Variants in SLC1A6 observed in about 807,000 individuals in gnomAD.
SLC1A6 encodes the protein excitatory amino acid transporter 4.
In SLC1A6, 15 loss-of-function variants were observed where a neutral mutation model predicts 42.1. That is an observed-to-expected ratio of 0.36 (90% confidence interval 0.24 to 0.55). The LOEUF is 0.55. Among genes scored for constraint, SLC1A6 ranks in the 20% least tolerant of loss-of-function variants. The probability of loss-of-function intolerance (pLI) is 0.88; values close to 1 mark genes in which losing one functional copy is unlikely to be tolerated. For missense variants in SLC1A6, 542 were observed against 772.5 expected, an observed-to-expected ratio of 0.70 and a Z score of 3.54; for synonymous variants, 317 against 319.7, an observed-to-expected ratio of 0.99 and a Z score of 0.09.
chr19:14,980,644 G>A (rs1396359243), upstream of SLC1A6, among the ~76,000 whole-genome samples: 5 of 126,282 alleles, frequency 4.0e-5, no homozygotes, highest in Admixed American at 8.5e-5. Flanking sequence ...GTGACAGAGC[G>A]AGACTCCGTC....
chr19:15,007,939 C>T (rs1432118485), intron 1 of SLC1A6, among the ~76,000 whole-genome samples: 1 of 151,756 alleles, frequency 6.6e-6, no homozygotes, highest in Non-Finnish European at 1.5e-5. Context: ...GCAGAAGAAT[C>T]GCTTGAACCC....
intron 6 of SLC1A6, among the ~76,000 whole-genome samples, chr19:14,959,808 C>T (rs566610366): frequency 5.3e-5 from 8 of 152,208 alleles, no homozygotes; most frequent in African/African-American, 7.2e-5. Flanking sequence ...CCTGTCAAGA[C>T]GCAGTTAACA....
intron 1 of SLC1A6, among the ~76,000 whole-genome samples, chr19:15,004,535 T>A (rs959699069): frequency 9.2e-4 from 16 of 17,460 alleles, no homozygotes; most frequent in Middle Eastern, 0.062. Flanking sequence ...AGACCTCACC[T>A]CTACAAAAAA....
Position 14,966,034 on chromosome 19 carries a change from C to T in SLC1A6, c.549-1673G>A, listed in dbSNP as rs953975915. Among the ~76,000 whole-genome samples the T allele has an allele frequency of 1.7e-4, 26 of 151,840 alleles. 1 individual carries two copies. The highest frequency in any genetic ancestry group is 4.6e-4 in the Admixed American group (7 of 15,228). ...ATAATGGACTTTAGAAACTCAGAAGCGGGAGGCGGGGAGAGTAGTTAGAAA... is the reference window on the plus strand; with the variant it reads ...ATAATGGACTTTAGAAACTCAGAAGTGGGAGGCGGGGAGAGTAGTTAGAAA... On this transcript the variant is annotated intron_variant, in intron 4 of 9. Transcript: ENST00000594383.
chr19:14,954,066 A>T, intron 8 of SLC1A6, 69 bp downstream of exon 8: 1 of 1,014,984 alleles, frequency 9.9e-7, no homozygotes, highest in Non-Finnish European at 1.5e-6. Flanking sequence ...CTCCCTCCCC[A>T]ACCCTCCCAG....
At chr19:14,992,952 G>A (rs370934581) in intron 1 of SLC1A6, among the ~76,000 whole-genome samples, 4 of 152,196 alleles carry the variant, frequency 2.6e-5, no homozygotes, top group East Asian at 3.9e-4. Context: ...AGGCATCCCC[G>A]CAGCCCCCAG....
intron 1 of SLC1A6, among the ~76,000 whole-genome samples, chr19:14,989,124 G>A (rs1469536760): frequency 1.3e-5 from 2 of 152,120 alleles, no homozygotes; most frequent in African/African-American, 4.8e-5. Flanking sequence ...AAGGTGGGAG[G>A]GTCGGGGGCT....
chr19:14,967,587 T>C (rs1347191653), intron 4 of SLC1A6, among the ~76,000 whole-genome samples: 1 of 152,310 alleles, frequency 6.6e-6, no homozygotes, highest in Non-Finnish European at 1.5e-5. Flanking sequence ...AACAGGCTCT[T>C]TGGGGCAATA....
At chr19:14,970,519 G>C (rs1359949841) in intron 3 of SLC1A6, among the ~76,000 whole-genome samples, 1 of 151,840 alleles carries the variant, frequency 6.6e-6, no homozygotes, top group Non-Finnish European at 1.5e-5. Context: ...AGACCATCCT[G>C]GCTAGCACGG....
intron 1 of SLC1A6, among the ~76,000 whole-genome samples, chr19:14,992,566 G>A (rs180865353): frequency 9.9e-5 from 15 of 152,114 alleles, no homozygotes; most frequent in African/African-American, 3.4e-4. Flanking sequence ...GCTGAGGCAG[G>A]AGAATCGCTT....
At chr19:14,991,969 G>A (rs1454999218) in intron 1 of SLC1A6, among the ~76,000 whole-genome samples, 3 of 152,104 alleles carry the variant, frequency 2.0e-5, no homozygotes, top group Non-Finnish European at 4.4e-5. Flanking sequence ...GGGATTACAG[G>A]TGCCTACCAC....
At chr19:15,007,697 C>T (rs945245516) in intron 1 of SLC1A6, among the ~76,000 whole-genome samples, 1 of 152,014 alleles carries the variant, frequency 6.6e-6, no homozygotes, top group Admixed American at 6.6e-5. Flanking sequence ...TCTAGAGGCT[C>T]TTAGAGTCAA....
intron 5 of SLC1A6, chr19:14,964,018 AG>A (rs1352372253): frequency 1.8e-5 from 4 of 224,726 alleles, no homozygotes; most frequent in Non-Finnish European, 2.6e-5. Context: ...TGAAAGACAG[AG>A]AGTCTCATTC....
rs1183522672 is a variant in SLC1A6, at chr19:14,954,330, C to A, written c.1170-1G>T. The A allele has an allele frequency of 6.2e-7, 1 of 1,605,414 alleles. No homozygotes were observed. The highest frequency in any genetic ancestry group is 8.5e-7 in the Non-Finnish European group (1 of 1,179,770). On this transcript the variant is annotated splice_acceptor_variant, in intron 7 of 9. Coordinates refer to ENST00000594383, the MANE Select transcript of SLC1A6 (RefSeq NM_005071.3). LOFTEE classifies it high-confidence loss of function. ...GAAGGTGATGGGCAGCGTTGCCGAG[C>A]TGGGGGAAAGAGCCCAGGACTGAGG... is the stretch of plus-strand genomic sequence containing the variant.
At chr19:14,996,501 C>T (rs891831071) in intron 1 of SLC1A6, among the ~76,000 whole-genome samples, 1 of 147,600 alleles carries the variant, frequency 6.8e-6, no homozygotes, top group African/African-American at 2.5e-5. Flanking sequence ...TTCTTTCCTC[C>T]TCCTCCTCCT....
upstream of SLC1A6, among the ~76,000 whole-genome samples, chr19:14,983,594 G>A (rs1189529872): frequency 6.6e-6 from 1 of 151,616 alleles, no homozygotes. Context: ...AGGCTGAGGC[G>A]GGAGGATCGC....
At position 14,962,025 on chromosome 19, in the gene SLC1A6, C is replaced by T. The variant is rs756071372; in HGVS notation, c.912G>A (p.Met304Ile). 2 of 1,614,052 alleles carry T rather than the reference C, an allele frequency of 1.2e-6. No individual in the cohort carries two copies. The highest frequency in any genetic ancestry group is 3.3e-5 in the Admixed American group (2 of 60,016). ...DFFDSLNEAI[M>I]RLVGIIIWYA... Reference sequence around the variant, plus strand: ...ACCAGATAATGATGCCCACCAGCCTCATAATAGCCTCATTGAGGCTGTCGA... The same window carrying T: ...ACCAGATAATGATGCCCACCAGCCTTATAATAGCCTCATTGAGGCTGTCGA... The change falls in exon 6 of 10, where the codon ATG becomes ATA. Residue 304 changes from methionine to isoleucine, a missense_variant. This residue lies in a region of SLC1A6 where 298 missense variants were observed against 419.4 expected (regional missense o/e 0.71). Coordinates refer to ENST00000594383, the MANE Select transcript of SLC1A6 (RefSeq NM_005071.3).
intron 1 of SLC1A6, among the ~76,000 whole-genome samples, chr19:14,989,272 AT>A (rs1237201068): frequency 6.6e-6 from 1 of 151,126 alleles, no homozygotes; most frequent in African/African-American, 2.4e-5. Flanking sequence ...TTTAAAAAAA[AT>A]TTTTTAAGGA....
chr19:15,004,957 T>C (rs1331170908), intron 1 of SLC1A6, among the ~76,000 whole-genome samples: 1 of 152,108 alleles, frequency 6.6e-6, no homozygotes, highest in Non-Finnish European at 1.5e-5. Context: ...AGCCCAGCAA[T>C]GAATGGTTCC....
Sources: gnomAD v4.1 joint callset for allele counts (sites outside exome capture counted in the v4.1 genomes callset) on GRCh38, gnomAD v4.1.1 for gene constraint, gnomAD v4.1.1 regional missense constraint, MANE v1.5 for transcripts, NCBI Gene and HGNC (gene_info 2026-07-23, HGNC 2026-07-21) for gene names.